The following BCAR3 variants were observed in gnomAD, a reference collection of about 807,000 sequenced individuals.
BCAR3 encodes the protein breast cancer anti-estrogen resistance protein 3.
Under a neutral mutation model 80.1 loss-of-function variants are expected in BCAR3, and 37 were observed. The observed-to-expected ratio is 0.46, with a 90% CI of 0.36 to 0.61. BCAR3 has a LOEUF of 0.61. Ranked by LOEUF, BCAR3 falls within the 20% of genes least tolerant of loss-of-function variation. The pLI is 0.00. For missense variants in BCAR3, 978 were observed against 1,068.2 expected, an observed-to-expected ratio of 0.92 and a Z score of 1.18; for synonymous variants, 389 against 418.9, an observed-to-expected ratio of 0.93 and a Z score of 0.87.
chr1:93,758,578 T>G (rs1651825309), intron 2 of BCAR3, among the ~76,000 whole-genome samples: 1 of 152,234 alleles, frequency 6.6e-6, no homozygotes, highest in Non-Finnish European at 1.5e-5. Context: ...ATTACAACCT[T>G]ACTCTGCTTT....
At chr1:93,842,160 T>C (rs1654985879) in intron 2 of BCAR3, among the ~76,000 whole-genome samples, 1 of 151,294 alleles carries the variant, frequency 6.6e-6, no homozygotes, top group South Asian at 2.1e-4. Flanking sequence ...TTTTTTTTTT[T>C]TTTCCCCAGA....
chr1:93,838,405 A>C (rs1269373408), intron 2 of BCAR3, among the ~76,000 whole-genome samples: 1 of 152,216 alleles, frequency 6.6e-6, no homozygotes, highest in Non-Finnish European at 1.5e-5. Context: ...AACAGTGAGA[A>C]CACATGTACT....
At chr1:93,845,461 T>A (rs1168672376) in intron 2 of BCAR3, 2 of 96,534 alleles carry the variant, frequency 2.1e-5, no homozygotes, top group Admixed American at 1.3e-4. Context: ...GCATAACAAT[T>A]TTATATATAT....
chr1:93,790,128 T>C (rs994940966), intron 2 of BCAR3, among the ~76,000 whole-genome samples: 5 of 152,184 alleles, frequency 3.3e-5, no homozygotes, highest in Admixed American at 2.6e-4. Flanking sequence ...GTTCTTTCTA[T>C]GAAATTTGCA....
At chr1:93,722,269 G>A (rs1650433106) in intron 2 of BCAR3, among the ~76,000 whole-genome samples, 1 of 152,240 alleles carries the variant, frequency 6.6e-6, no homozygotes, top group Non-Finnish European at 1.5e-5. Context: ...CTGCCTTTCT[G>A]TTTTTGGCTT....
rs930880939 is a variant in BCAR3, at chr1:93,733,581, C to T, written c.-62-27439G>A. On this transcript the variant is annotated intron_variant, in intron 2 of 13. Transcript: ENST00000370244. ...CCTTCCTTGGAAGGAACTTTGCGTACCCCAGACAAAAGGCACAGTGTAAAC... is the reference window on the plus strand; with the variant it reads ...CCTTCCTTGGAAGGAACTTTGCGTATCCCAGACAAAAGGCACAGTGTAAAC... Among the ~76,000 whole-genome samples the T allele has an allele frequency of 5.9e-5, 9 of 152,198 alleles. No individual in the cohort carries two copies. The East Asian group carries it at 1.5e-3, about 26-fold the overall frequency.
chr1:93,733,690 C>A (rs534717486), intron 2 of BCAR3, among the ~76,000 whole-genome samples: 1 of 152,290 alleles, frequency 6.6e-6, no homozygotes, highest in African/African-American at 2.4e-5. Flanking sequence ...ACGCATGCAC[C>A]TGTATGGGCA....
Position 93,650,517 on chromosome 1 carries a change from C to T in BCAR3, c.318-8174G>A, listed in dbSNP as rs1020687616. Among the ~76,000 whole-genome samples the T allele has an allele frequency of 1.3e-5, 2 of 152,228 alleles. 1 individual carries two copies. The highest frequency in any genetic ancestry group is 1.3e-4 in the Admixed American group (2 of 15,284). ...ACTTACTACTGTGTGAATCTCAACA[C>T]AGTTCACCATGTGACCACAACCTCT... is the stretch of plus-strand genomic sequence containing the variant. On this transcript the variant is annotated intron_variant, in intron 2 of 11. Coordinates refer to ENST00000260502, the MANE Select transcript of BCAR3 (RefSeq NM_003567.4).
At chr1:93,567,047 T>G (rs969142689) in intron 11 of BCAR3, among the ~76,000 whole-genome samples, 5 of 152,126 alleles carry the variant, frequency 3.3e-5, no homozygotes, top group African/African-American at 4.8e-5. Context: ...TCTTGACCCC[T>G]TCTCTCTGTT....
chr1:93,772,469 G>T (rs6661992), intron 2 of BCAR3, among the ~76,000 whole-genome samples: 45,078 of 151,748 alleles, frequency 0.3, 9,220 homozygotes, highest in African/African-American at 0.58. Flanking sequence ...GGAATAGCAG[G>T]GTTAGCTCTT....
At chr1:93,698,559 C>A (rs940215525) in intron 3 of BCAR3, among the ~76,000 whole-genome samples, 6 of 152,288 alleles carry the variant, frequency 3.9e-5, no homozygotes, top group African/African-American at 1.4e-4. Flanking sequence ...CTACCCCAAC[C>A]ACGAGGCCTC....
At chr1:93,830,725 T>C (rs1342183156) in intron 2 of BCAR3, among the ~76,000 whole-genome samples, 1 of 152,206 alleles carries the variant, frequency 6.6e-6, no homozygotes, top group Non-Finnish European at 1.5e-5. Flanking sequence ...TTTGGTGGTC[T>C]CTTCACACGG....
chr1:93,756,620 A>G (rs543367578), intron 2 of BCAR3, among the ~76,000 whole-genome samples: 73 of 152,334 alleles, frequency 4.8e-4, no homozygotes, highest in African/African-American at 1.7e-3. Context: ...TGGTTATAAA[A>G]CATTTTTAAA....
chr1:93,734,189 C>T (rs1477849936), intron 2 of BCAR3, among the ~76,000 whole-genome samples: 1 of 152,236 alleles, frequency 6.6e-6, no homozygotes, highest in Non-Finnish European at 1.5e-5. Context: ...TGCAAGAGTA[C>T]TGACATGAAG....
chr1:93,710,688 T>C (rs772509638), intron 2 of BCAR3, among the ~76,000 whole-genome samples: 11 of 152,250 alleles, frequency 7.2e-5, no homozygotes, highest in Non-Finnish European at 1.6e-4. Context: ...GGACCTTTGA[T>C]CATGCCATTC....
intron 3 of BCAR3, among the ~76,000 whole-genome samples, chr1:93,636,301 C>T (rs925067036): frequency 6.6e-6 from 1 of 152,174 alleles, no homozygotes; most frequent in Non-Finnish European, 1.5e-5. Context: ...TCCTAACCTG[C>T]GCAACAAGCT....
At chr1:93,605,700 G>T (rs1362123676) in intron 3 of BCAR3, 3 of 152,208 alleles carry the variant, frequency 2.0e-5, no homozygotes, top group Non-Finnish European at 2.9e-5. Context: ...CATCAAACCA[G>T]ATGTCCTATT....
chr1:93,613,802 C>T (rs1675023810), intron 3 of BCAR3: 1 of 1,542,614 alleles, frequency 6.5e-7, no homozygotes, highest in Non-Finnish European at 8.8e-7. Context: ...TTTCAGGGTC[C>T]CCCAAAAGAT....
intron 3 of BCAR3, among the ~76,000 whole-genome samples, chr1:93,624,349 A>C (rs1675397170): frequency 1.3e-5 from 2 of 152,194 alleles, no homozygotes; most frequent in Admixed American, 6.5e-5. Flanking sequence ...ACTTCTTTCC[A>C]GGTCAAAGGA....
Sources: allele counts gnomAD v4.1 joint callset (sites outside exome capture counted in the v4.1 genomes callset), GRCh38; gene constraint gnomAD v4.1.1; transcripts MANE v1.5; gene names NCBI Gene and HGNC (gene_info 2026-07-23, HGNC 2026-07-21).